Variants in CD47 observed in about 807,000 individuals in gnomAD.
CD47 encodes leukocyte surface antigen CD47.
In CD47, 11 loss-of-function variants were observed where a neutral mutation model predicts 44.6. The observed-to-expected ratio is 0.25, with a 90% CI of 0.16 to 0.41. CD47 has a LOEUF of 0.41. CD47 is among the 10% of genes least tolerant of loss of function. CD47 has a pLI of 1.00. For synonymous variants in CD47, 140 were observed against 136.3 expected (o/e 1.03, Z -0.19); for missense variants, 306 against 386.7 (o/e 0.79, Z 1.75).
chr3:108,060,488 T>C (rs1417087416), intron 4 of CD47, among the ~76,000 whole-genome samples: 2 of 152,150 alleles, frequency 1.3e-5, no homozygotes, highest in Non-Finnish European at 1.5e-5. Flanking sequence ...ATAAACACTG[T>C]CATTCTTCAG....
intron 7 of CD47, among the ~76,000 whole-genome samples, chr3:108,055,047 A>G (rs978931802): frequency 4.6e-5 from 7 of 152,252 alleles, no homozygotes; most frequent in Non-Finnish European, 7.4e-5. Flanking sequence ...TTCTCATCTT[A>G]TAAAATTAAA....
intron 3 of CD47, among the ~76,000 whole-genome samples, chr3:108,069,947 G>C (rs1314062229): frequency 6.6e-6 from 1 of 152,110 alleles, no homozygotes; most frequent in Non-Finnish European, 1.5e-5. Flanking sequence ...ACACTATCTT[G>C]AAAGTAAAAG....
At chr3:108,081,545 T>C (rs975624251) in intron 1 of CD47, among the ~76,000 whole-genome samples, 1 of 151,996 alleles carries the variant, frequency 6.6e-6, no homozygotes, top group African/African-American at 2.4e-5. Flanking sequence ...CAAGGATGCA[T>C]ACTGGAATAT....
chr3:108,050,745 G>A lies in CD47; in HGVS notation c.910-143C>T, dbSNP rs117960314. 3.1e-3 allele frequency: 1,466 copies of A among 478,150 alleles called. 24 individuals carry two copies. The East Asian group carries it at 0.042, about 14-fold the overall frequency. 29.6% of individuals were successfully genotyped at this position (478,150 alleles called of 1,614,324 possible). A position where few individuals can be genotyped will look rare whatever the true frequency, so the allele number is the denominator to read the frequency against. Reference sequence around the variant, plus strand: ...AAAAAAAAAGAAAAAACAAAACAACGAAATAAGCCTGTAAATGTTAAAGCA... The same window carrying A: ...AAAAAAAAAGAAAAAACAAAACAACAAAATAAGCCTGTAAATGTTAAAGCA... On this transcript the variant is annotated intron_variant, in intron 8 of 10. Transcript: ENST00000361309.
At chr3:108,087,236 C>T (rs528850779) in intron 1 of CD47, among the ~76,000 whole-genome samples, 4 of 152,076 alleles carry the variant, frequency 2.6e-5, no homozygotes, top group Non-Finnish European at 4.4e-5. Context: ...CACTGGGTTA[C>T]GTACAAAAAG....
At chr3:108,052,200 C>T (rs2078840299) in intron 7 of CD47, 3 of 342,658 alleles carry the variant, frequency 8.8e-6, no homozygotes, top group Non-Finnish European at 1.7e-5. Context: ...ATAGTAAACA[C>T]ATTCTCTCAT....
chr3:108,047,400 A>C (rs1049752136), intron 10 of CD47, 108 bp from the exon 11 acceptor site: 15 of 710,688 alleles, frequency 2.1e-5, no homozygotes, highest in Non-Finnish European at 3.4e-5. Context: ...CTAAAAATTA[A>C]GAAAATAGAC....
chr3:108,047,833 G>A (rs2078746061), intron 10 of CD47, among the ~76,000 whole-genome samples: 1 of 152,170 alleles, frequency 6.6e-6, no homozygotes, highest in South Asian at 2.1e-4. Context: ...GCAAAATTAA[G>A]AGAATCTTGA....
At chr3:108,074,732 G>A (rs1355693715) in intron 2 of CD47, among the ~76,000 whole-genome samples, 2 of 151,400 alleles carry the variant, frequency 1.3e-5, no homozygotes, top group African/African-American at 4.9e-5. Context: ...GGCACACAAT[G>A]GAGAAGGGCA....
intron 1 of CD47, among the ~76,000 whole-genome samples, chr3:108,083,758 C>T (rs2079462012): frequency 6.6e-6 from 1 of 151,882 alleles, no homozygotes; most frequent in African/African-American, 2.4e-5. Flanking sequence ...TAAATTACTC[C>T]CTTCTGCCCT....
At chr3:108,065,415 T>C (rs767317628) in intron 3 of CD47, among the ~76,000 whole-genome samples, 7 of 152,156 alleles carry the variant, frequency 4.6e-5, no homozygotes, top group Non-Finnish European at 1.0e-4. Flanking sequence ...CAATTCCTCC[T>C]ACAATAAAAT....
At chr3:108,063,834 A>C (rs977472992) in intron 3 of CD47, among the ~76,000 whole-genome samples, 19 of 152,350 alleles carry the variant, frequency 1.2e-4, no homozygotes, top group African/African-American at 4.6e-4. Flanking sequence ...ATCAATACAC[A>C]AAATAAAGTA....
At chr3:108,081,990 G>A (rs1311306448) in intron 1 of CD47, among the ~76,000 whole-genome samples, 2 of 151,918 alleles carry the variant, frequency 1.3e-5, no homozygotes, top group African/African-American at 2.4e-5. Context: ...CTGGACTTCC[G>A]TTGCATTCTT....
At chr3:108,067,177 A>G (rs1403590689) in intron 3 of CD47, among the ~76,000 whole-genome samples, 4 of 152,206 alleles carry the variant, frequency 2.6e-5, no homozygotes, top group African/African-American at 4.8e-5. Flanking sequence ...ACTATTTTTC[A>G]TTTCCCAATG....
chr3:108,078,299 G>T (rs1391581533), intron 2 of CD47, among the ~76,000 whole-genome samples: 1 of 151,876 alleles, frequency 6.6e-6, no homozygotes, highest in Non-Finnish European at 1.5e-5. Flanking sequence ...AGGGTATTTT[G>T]CAAACAAAGA....
At chr3:108,075,629 C>T (rs1370550359) in intron 2 of CD47, among the ~76,000 whole-genome samples, 1 of 152,208 alleles carries the variant, frequency 6.6e-6, no homozygotes, top group Non-Finnish European at 1.5e-5. Flanking sequence ...CTGCCCTAGC[C>T]ATGCATCTTT....
rs563549610 is a variant in CD47, at chr3:108,050,521, T to G, written c.934+57A>C. 4.6e-5 allele frequency: 37 copies of G among 798,564 alleles called. No individual in the cohort carries two copies. In the East Asian group the frequency reaches 1.0e-3, roughly 22 times the overall value. The allele number at this position is 798,564 out of a possible 1,614,324, so 49.5% of individuals were successfully genotyped here. A position where few individuals can be genotyped will look rare whatever the true frequency, so the allele number is the denominator to read the frequency against. ...CATAGACAGGGCATTCTAACTGTTT[T>G]GCGGGCCAGATCAAATTATGATCTG... On this transcript the variant is annotated intron_variant, in intron 9 of 10. Transcript: ENST00000361309.
At chr3:108,090,475 G>A (rs569606859) in intron 1 of CD47, among the ~76,000 whole-genome samples, 2 of 152,326 alleles carry the variant, frequency 1.3e-5, no homozygotes, top group East Asian at 3.9e-4. Flanking sequence ...ACTGAGAAGG[G>A]AGAGGGGTGC....
chr3:108,079,914 C>T, intron 2 of CD47, 77 bp downstream of exon 2: 1 of 828,600 alleles, frequency 1.2e-6, no homozygotes, highest in Non-Finnish European at 2.0e-6. Context: ...AGTACCTATC[C>T]CCATTTGGCC....
Sources: gnomAD v4.1 joint callset for allele counts (sites outside exome capture counted in the v4.1 genomes callset) on GRCh38, gnomAD v4.1.1 for gene constraint, MANE v1.5 for transcripts, NCBI Gene and HGNC (gene_info 2026-07-23, HGNC 2026-07-21) for gene names.